BCAS1: variants seen among roughly 807,000 people sequenced by gnomAD.
The protein encoded by BCAS1 is breast carcinoma-amplified sequence 1.
Under a neutral mutation model 65.4 loss-of-function variants are expected in BCAS1, and 46 were observed. The ratio of observed to expected loss-of-function variants is 0.70; its 90% CI spans 0.55 to 0.90. BCAS1 has a LOEUF of 0.90. BCAS1 is among the 40% of genes least tolerant of loss of function. BCAS1 has a pLI of 0.00. For missense variants in BCAS1, 793 were observed against 771.2 expected, an observed-to-expected ratio of 1.03 and a Z score of -0.33; for synonymous variants, 298 against 293.5, an observed-to-expected ratio of 1.02 and a Z score of -0.16.
intron 1 of BCAS1, among the ~76,000 whole-genome samples, chr20:54,062,136 C>A (rs1212895234): frequency 6.6e-6 from 1 of 152,152 alleles, no homozygotes; most frequent in Non-Finnish European, 1.5e-5. Flanking sequence ...GCAACAGACA[C>A]CTATGGCCTG....
At chr20:53,963,708 T>C (rs1488226717) in intron 10 of BCAS1, among the ~76,000 whole-genome samples, 1 of 152,168 alleles carries the variant, frequency 6.6e-6, no homozygotes, top group African/African-American at 2.4e-5. Flanking sequence ...GGGCCAGATG[T>C]TGTCTCTATT....
chr20:54,013,964 AT>A (rs1209141033), intron 4 of BCAS1, among the ~76,000 whole-genome samples: 1 of 152,232 alleles, frequency 6.6e-6, no homozygotes, highest in South Asian at 2.1e-4. Context: ...GCATTTTATA[AT>A]TTTTTGTTTT....
intron 8 of BCAS1, among the ~76,000 whole-genome samples, 171 bp from the exon 9 acceptor site, chr20:53,975,601 G>GTATATA (rs11471112): frequency 1.6e-3 from 240 of 147,630 alleles, no homozygotes; most frequent in South Asian, 3.7e-3. Flanking sequence ...AATGAAAACG[G>GTATATA]TATATATATA....
chr20:54,028,428 G>A lies in BCAS1; in HGVS notation c.687C>T (p.Gly229=). ...EHQDKVDEVP[G]LSGQSDDVPA... is the part of the protein sequence containing the mutation. The stretch of plus-strand genomic sequence containing the variant: ...GGACATCATCGGACTGCCCTGATAA[G>A]CCAGGAACCTCATCCACCTTGTCTT... Residue 229 remains glycine (G), a synonymous_variant, in exon 4 of 13, where the codon GGC becomes GGT. Coordinates refer to ENST00000688948, the MANE Select transcript of BCAS1 (RefSeq NM_001366298.2). 1 of 1,614,180 alleles carries A rather than the reference G, an allele frequency of 6.2e-7. No homozygotes were observed. Among genetic ancestry groups the A allele is most frequent in the Non-Finnish European group, 8.5e-7 (1 of 1,180,028 alleles).
chr20:54,033,882 A>G (rs984418828), intron 3 of BCAS1, among the ~76,000 whole-genome samples: 39 of 151,540 alleles, frequency 2.6e-4, no homozygotes, highest in African/African-American at 8.7e-4. Flanking sequence ...ATGAACTTCA[A>G]TGCAAAAATC....
intron 7 of BCAS1, among the ~76,000 whole-genome samples, chr20:53,991,184 C>T (rs2090749985): frequency 6.6e-6 from 1 of 152,194 alleles, no homozygotes. Flanking sequence ...TAGATTCTTT[C>T]CTATGAGATC....
At chr20:53,950,019 G>A (rs920723430) in intron 12 of BCAS1, among the ~76,000 whole-genome samples, 13 of 152,286 alleles carry the variant, frequency 8.5e-5, no homozygotes, top group African/African-American at 2.9e-4. Context: ...ACCTTCAACA[G>A]CCATTCTCCA....
At chr20:54,038,256 C>A (rs2091932111) in intron 3 of BCAS1, among the ~76,000 whole-genome samples, 1 of 151,412 alleles carries the variant, frequency 6.6e-6, no homozygotes, top group Admixed American at 6.6e-5. Flanking sequence ...CCTTCCCTGA[C>A]TCCTCCATCT....
chr20:53,952,873 C>G (rs1023953204), intron 12 of BCAS1, among the ~76,000 whole-genome samples: 2 of 152,242 alleles, frequency 1.3e-5, no homozygotes, highest in Admixed American at 6.5e-5. Flanking sequence ...GTTTTGAGTG[C>G]TGCCCAATTC....
intron 2 of BCAS1, among the ~76,000 whole-genome samples, chr20:54,058,364 C>T (rs2092329137): frequency 1.3e-5 from 2 of 152,114 alleles, no homozygotes; most frequent in African/African-American, 2.4e-5. Context: ...TGAGAGCACA[C>T]CATGGTGCCT....
rs1568894755 is a variant in BCAS1 at position 54,028,517 on chromosome 20, G to C, written c.598C>G (p.Leu200Val). Reference sequence around the variant, plus strand: ...GGCACCTTTTCCTGTCCCTTGTCCAGCTTGAAGAATTTGTCAAAAAAGCTG... The same window carrying C: ...GGCACCTTTTCCTGTCCCTTGTCCACCTTGAAGAATTTGTCAAAAAAGCTG... ...DSSFFDKFFK[L>V]DKGQEKVPGD... Residue 200 changes from leucine to valine, a missense_variant, in exon 4 of 13, where the codon CTG becomes GTG. Coordinates refer to ENST00000688948, the MANE Select transcript of BCAS1 (RefSeq NM_001366298.2). The C allele has an allele frequency of 3.1e-6, 5 of 1,614,166 alleles. No individual in the cohort carries two copies. The highest frequency in any genetic ancestry group is 1.3e-5 in the African/African-American group (1 of 75,046).
chr20:53,957,869 G>A (rs1380167323), intron 10 of BCAS1, among the ~76,000 whole-genome samples: 1 of 149,356 alleles, frequency 6.7e-6, no homozygotes, highest in African/African-American at 2.5e-5. Context: ...TATTTAGGCT[G>A]TGGGTGTTTT....
rs2089212759 is a variant in BCAS1 at position 53,943,650 on chromosome 20, C to T, written c.*1272G>A. The T allele has an allele frequency of 6.6e-6, 1 of 152,136 alleles. No homozygotes were observed. Among genetic ancestry groups the T allele is most frequent in the African/African-American group, 2.4e-5 (1 of 41,416 alleles). 9.4% of individuals were successfully genotyped at this position (152,136 alleles called of 1,614,324 possible). A position where few individuals can be genotyped will look rare whatever the true frequency, so the allele number is the denominator to read the frequency against. On this transcript the variant is annotated 3_prime_UTR_variant, in exon 13 of 13. Coordinates refer to ENST00000688948, the MANE Select transcript of BCAS1 (RefSeq NM_001366298.2). ...ATTACATTTTAATAGACTCAGGGTCCTATTTACTCCTTTGTACAGGTATTA... is the reference window on the plus strand; with the variant it reads ...ATTACATTTTAATAGACTCAGGGTCTTATTTACTCCTTTGTACAGGTATTA...
intron 9 of BCAS1, 82 bp from the exon 10 acceptor site, chr20:53,967,155 GC>G: frequency 2.8e-6 from 4 of 1,451,588 alleles, no homozygotes; most frequent in African/African-American, 1.4e-5. Flanking sequence ...GGTCCTTGTT[GC>G]CCCCCTGTCC....
intron 3 of BCAS1, among the ~76,000 whole-genome samples, chr20:54,055,687 T>C (rs559312802): frequency 6.6e-6 from 1 of 152,274 alleles, no homozygotes; most frequent in African/African-American, 2.4e-5. Context: ...GGTCTCAAAG[T>C]GGTAGCTGTA....
intron 7 of BCAS1, among the ~76,000 whole-genome samples, chr20:53,989,412 C>T (rs2090698383): frequency 6.6e-6 from 1 of 152,174 alleles, no homozygotes; most frequent in African/African-American, 2.4e-5. Flanking sequence ...TCTTGGTCAT[C>T]ATCATATCCT....
intron 11 of BCAS1, among the ~76,000 whole-genome samples, chr20:53,956,188 T>A (rs1436044954): frequency 3.9e-5 from 6 of 152,204 alleles, no homozygotes; most frequent in African/African-American, 1.2e-4. Flanking sequence ...ATATTTGGAA[T>A]AGGAAGTAAT....
At chr20:54,005,258 C>A (rs1799033876) in intron 4 of BCAS1, among the ~76,000 whole-genome samples, 1 of 132,984 alleles carries the variant, frequency 7.5e-6, no homozygotes, top group South Asian at 2.5e-4. Flanking sequence ...GAGTTCAAGA[C>A]CAGCCTGGGC....
At chr20:53,951,617 T>C (rs1173888593) in intron 12 of BCAS1, among the ~76,000 whole-genome samples, 1 of 152,216 alleles carries the variant, frequency 6.6e-6, no homozygotes, top group African/African-American at 2.4e-5. Flanking sequence ...CATCCCAAGT[T>C]GGACCCCAAA....
Sources: gnomAD v4.1 joint callset for allele counts (sites outside exome capture counted in the v4.1 genomes callset) on GRCh38, gnomAD v4.1.1 for gene constraint, MANE v1.5 for transcripts, NCBI Gene and HGNC (gene_info 2026-07-23, HGNC 2026-07-21) for gene names.